The following DSCAML1 variants were observed in gnomAD, a reference collection of about 807,000 sequenced individuals.
DSCAML1 encodes the protein cell adhesion molecule DSCAML1.
DSCAML1 carries 38 observed loss-of-function variants against 200.5 expected under a neutral mutation model. That is an observed-to-expected ratio of 0.19 (90% CI 0.15 to 0.25). DSCAML1 has a LOEUF of 0.25. DSCAML1 is among the 10% of genes least tolerant of loss of function. The pLI is 1.00. For synonymous variants in DSCAML1, 1,215 were observed against 1,165.0 expected, an observed-to-expected ratio of 1.04 and a Z score of -0.87; for missense variants, 2,223 against 2,858.8, an observed-to-expected ratio of 0.78 and a Z score of 5.07.
chr11:117,674,149 G>A (rs759525763), intron 3 of DSCAML1, among the ~76,000 whole-genome samples: 5 of 152,266 alleles, frequency 3.3e-5, no homozygotes, highest in Middle Eastern at 3.4e-3. Context: ...AGATCCTCTC[G>A]GCTGTATTTA....
chr11:117,428,557 G>GC lies in DSCAML1; in HGVS notation c.5932dup (p.Ala1978GlyfsTer17). The GC allele has an allele frequency of 1.3e-6, 2 of 1,550,676 alleles. No individual in the cohort carries two copies. Among genetic ancestry groups the GC allele is most frequent in the Non-Finnish European group, 1.7e-6 (2 of 1,145,112 alleles). ...TGGGGGGGCTGTGCCGGCTGGGGGG[G>GC]CTGGCATGGCCAGAGTCCTCTGAGG... On this transcript the variant is annotated frameshift_variant, in exon 33 of 33. Transcript: ENST00000651296. LOFTEE classifies it high-confidence loss of function.
chr11:117,601,711 G>C (rs959247358), intron 3 of DSCAML1, among the ~76,000 whole-genome samples: 1 of 152,220 alleles, frequency 6.6e-6, no homozygotes, highest in Non-Finnish European at 1.5e-5. Flanking sequence ...GGAAGTGAAC[G>C]AGAGAAACAT....
chr11:117,665,645 G>A (rs1336180626), intron 3 of DSCAML1, among the ~76,000 whole-genome samples: 2 of 152,122 alleles, frequency 1.3e-5, no homozygotes, highest in Admixed American at 1.3e-4. Flanking sequence ...TACAGATGAG[G>A]AGACTGGGCC....
At chr11:117,650,283 G>A (rs1015150581) in intron 3 of DSCAML1, among the ~76,000 whole-genome samples, 25 of 152,332 alleles carry the variant, frequency 1.6e-4, no homozygotes, top group Admixed American at 1.3e-3. Flanking sequence ...GATGCTTCAC[G>A]TATGGACTGC....
chr11:117,512,007 G>C (rs2137292841), intron 8 of DSCAML1, among the ~76,000 whole-genome samples: 1 of 152,350 alleles, frequency 6.6e-6, no homozygotes, highest in East Asian at 1.9e-4. Flanking sequence ...TAGAAGACAA[G>C]CAGTCCCAGA....
At position 117,482,030 on chromosome 11, in the gene DSCAML1, G is replaced by A. The variant is rs1319857221; in HGVS notation, c.2492C>T (p.Pro831Leu). 3.7e-6 allele frequency: 6 copies of A among 1,614,080 alleles called. No individual in the cohort carries two copies. The African/African-American group carries it at 8.0e-5, about 22-fold the overall frequency. ...GATGGCATACCGCATGACGCGGTCAGGGTCGATGACTGTGTCCCCCTTCTC... is the reference window on the plus strand; with the variant it reads ...GATGGCATACCGCATGACGCGGTCAAGGTCGATGACTGTGTCCCCCTTCTC... ...RWEKGDTVID[P>L]DRVMRYAIAT... The change falls in exon 12 of 33, where the codon CCT becomes CTT. Residue 831 changes from proline to leucine, a missense_variant. Physicochemically the swap from Pro to Leu is moderately conservative, Grantham distance 98. Transcript: ENST00000651296.
At chr11:117,485,638 T>G (rs1304012151) in intron 11 of DSCAML1, among the ~76,000 whole-genome samples, 1 of 152,246 alleles carries the variant, frequency 6.6e-6, no homozygotes, top group African/African-American at 2.4e-5. Flanking sequence ...GAAACCTGGA[T>G]TCTAGTCCTA....
chr11:117,646,562 C>T (rs1395266764), intron 3 of DSCAML1, among the ~76,000 whole-genome samples: 2 of 152,174 alleles, frequency 1.3e-5, no homozygotes, highest in Non-Finnish European at 2.9e-5. Flanking sequence ...CTACTATGTG[C>T]ACCTGCCAAA....
At chr11:117,542,278 G>A (rs2050283000) in intron 3 of DSCAML1, among the ~76,000 whole-genome samples, 1 of 151,074 alleles carries the variant, frequency 6.6e-6, no homozygotes, top group South Asian at 2.1e-4. Context: ...CTGGGAGACA[G>A]AGTGAGACTC....
intron 3 of DSCAML1, among the ~76,000 whole-genome samples, chr11:117,565,903 A>T (rs1223822659): frequency 6.6e-6 from 1 of 152,208 alleles, no homozygotes; most frequent in Non-Finnish European, 1.5e-5. Context: ...AAAGCCACAC[A>T]GCAGGCTCAT....
intron 8 of DSCAML1, among the ~76,000 whole-genome samples, chr11:117,515,898 G>A (rs1189076489): frequency 5.9e-5 from 9 of 152,046 alleles, no homozygotes; most frequent in African/African-American, 1.4e-4. Context: ...GGATTACAAC[G>A]TGAGCCACTG....
In DSCAML1 at chr11:117,549,788, A is replaced by G. The variant is rs73589096; in HGVS notation, c.512-17266T>C. On this transcript the variant is annotated intron_variant, in intron 3 of 32. Coordinates refer to ENST00000651296, the MANE Select transcript of DSCAML1 (RefSeq NM_020693.4). Reference sequence around the variant, plus strand: ...AAAAATCCTCTGCTGCTGCTCAAATAGCAGAGGCAATTCAGCTATTTTGAA... The same window carrying G: ...AAAAATCCTCTGCTGCTGCTCAAATGGCAGAGGCAATTCAGCTATTTTGAA... 1.2e-3 allele frequency among the ~76,000 whole-genome samples: 189 copies of G among 152,288 alleles called. 3 individuals carry two copies. Among genetic ancestry groups the G allele is most frequent in the African/African-American group, 4.3e-3 (178 of 41,568 alleles).
At chr11:117,649,839 G>T (rs932547608) in intron 3 of DSCAML1, among the ~76,000 whole-genome samples, 1 of 152,178 alleles carries the variant, frequency 6.6e-6, no homozygotes, top group African/African-American at 2.4e-5. Context: ...GGAGATTTGT[G>T]CTCCTTCCGT....
chr11:117,750,094 T>C (rs1225433725), intron 3 of DSCAML1, among the ~76,000 whole-genome samples: 1 of 152,168 alleles, frequency 6.6e-6, no homozygotes, highest in East Asian at 1.9e-4. Context: ...TGTGTAGCCT[T>C]TCTGGGTTGC....
intron 3 of DSCAML1, among the ~76,000 whole-genome samples, chr11:117,585,069 A>G (rs1221565431): frequency 6.6e-6 from 1 of 152,122 alleles, no homozygotes; most frequent in Non-Finnish European, 1.5e-5. Context: ...CTCTGTCCAG[A>G]TTATCCTTGT....
At chr11:117,660,783 C>G (rs891686989) in intron 3 of DSCAML1, among the ~76,000 whole-genome samples, 1 of 152,154 alleles carries the variant, frequency 6.6e-6, no homozygotes, top group East Asian at 1.9e-4. Context: ...CATGGAACAT[C>G]GATGCAGGAA....
chr11:117,766,383 T>C (rs191842848), intron 3 of DSCAML1, among the ~76,000 whole-genome samples: 15 of 152,324 alleles, frequency 9.8e-5, no homozygotes, highest in East Asian at 3.9e-4. Context: ...TAAAGCAAGA[T>C]TGATTTTGAT....
At chr11:117,577,458 T>TTTCCTTCCTTCC (rs1182143268) in intron 3 of DSCAML1, among the ~76,000 whole-genome samples, 9 of 57,380 alleles carry the variant, frequency 1.6e-4, no homozygotes, top group South Asian at 1.0e-3. Flanking sequence ...CCTTCCTTCC[T>TTTCCTTCCTTCC]TTCCTTCCTT....
chr11:117,477,380 G>A (rs1376438645), intron 14 of DSCAML1, among the ~76,000 whole-genome samples: 1 of 139,334 alleles, frequency 7.2e-6, no homozygotes. Flanking sequence ...GTGTGTGTGT[G>A]TGTGTGTGTG....
Sources: allele counts gnomAD v4.1 joint callset (sites outside exome capture counted in the v4.1 genomes callset), GRCh38; gene constraint gnomAD v4.1.1; transcripts MANE v1.5; gene names NCBI Gene and HGNC (gene_info 2026-07-23, HGNC 2026-07-21).